The following NR3C2 variants were observed in gnomAD, a reference collection of about 807,000 sequenced individuals.
NR3C2 encodes mineralocorticoid receptor.
NR3C2 carries 15 observed loss-of-function variants against 86.4 expected under a neutral mutation model. The observed-to-expected ratio is 0.17, with a 90% CI of 0.12 to 0.27. The LOEUF (loss-of-function observed/expected upper bound fraction) is 0.27, where lower values mean the gene tolerates loss of function less well. Ranked by LOEUF, NR3C2 falls within the 10% of genes least tolerant of loss-of-function variation. NR3C2 has a pLI of 1.00. For synonymous variants in NR3C2, 458 were observed against 450.5 expected (o/e 1.02, Z -0.21); for missense variants, 960 against 1,195.6 (o/e 0.80, Z 2.91).
At chr4:148,163,521 G>A (rs1734753091) in intron 4 of NR3C2, among the ~76,000 whole-genome samples, 1 of 152,174 alleles carries the variant, frequency 6.6e-6, no homozygotes, top group Admixed American at 6.5e-5. Context: ...GCCTGCTTGA[G>A]AGAATGTCTA....
chr4:148,261,384 T>C (rs35181235), intron 2 of NR3C2, among the ~76,000 whole-genome samples: 2,544 of 94,498 alleles, frequency 0.027, 71 homozygotes, highest in African/African-American at 0.071. Flanking sequence ...CTATGGTCAG[T>C]GTATGGTGCG....
intron 2 of NR3C2, among the ~76,000 whole-genome samples, chr4:148,266,695 A>G (rs984215983): frequency 6.6e-6 from 1 of 152,172 alleles, no homozygotes; most frequent in African/African-American, 2.4e-5. Flanking sequence ...TCTTATTAAC[A>G]TTTTAAAATC....
chr4:148,310,399 G>A (rs1742847911), intron 2 of NR3C2, among the ~76,000 whole-genome samples: 1 of 152,138 alleles, frequency 6.6e-6, no homozygotes, highest in South Asian at 2.1e-4. Flanking sequence ...TGAACCTTTA[G>A]TACTGCCTAG....
chr4:148,136,551 C>G (rs563309242), intron 6 of NR3C2, among the ~76,000 whole-genome samples: 1 of 152,170 alleles, frequency 6.6e-6, no homozygotes, highest in Non-Finnish European at 1.5e-5. Flanking sequence ...CTTCACTATA[C>G]CCATCCAATT....
chr4:148,103,498 G>A (rs76998432), intron 8 of NR3C2, among the ~76,000 whole-genome samples: 41 of 152,322 alleles, frequency 2.7e-4, no homozygotes, highest in Admixed American at 3.9e-4. Flanking sequence ...GCACGTACCC[G>A]TAGAGGCTGT....
intron 2 of NR3C2, among the ~76,000 whole-genome samples, chr4:148,419,242 A>G (rs368915982): frequency 6.6e-6 from 1 of 152,184 alleles, no homozygotes; most frequent in African/African-American, 2.4e-5. Flanking sequence ...TTGGTAGTGG[A>G]TCACAATGGT....
intron 4 of NR3C2, among the ~76,000 whole-genome samples, chr4:148,185,618 A>G (rs1735855115): frequency 6.6e-6 from 1 of 152,174 alleles, no homozygotes; most frequent in Non-Finnish European, 1.5e-5. Context: ...TCCTTATCGC[A>G]TCTTCTAGCT....
At chr4:148,126,061 C>T (rs1003072537) in intron 6 of NR3C2, among the ~76,000 whole-genome samples, 9 of 152,204 alleles carry the variant, frequency 5.9e-5, no homozygotes, top group East Asian at 1.9e-4. Flanking sequence ...AAAATGTGCT[C>T]ATATGCATTT....
At chr4:148,268,764 G>C (rs1417165837) in intron 2 of NR3C2, among the ~76,000 whole-genome samples, 1 of 152,182 alleles carries the variant, frequency 6.6e-6, no homozygotes, top group Non-Finnish European at 1.5e-5. Context: ...TCTAATGTGA[G>C]ATTAAGTGTT....
intron 2 of NR3C2, among the ~76,000 whole-genome samples, chr4:148,273,671 C>T (rs1740808229): frequency 6.6e-6 from 1 of 152,134 alleles, no homozygotes; most frequent in African/African-American, 2.4e-5. Context: ...AGAGCCAACA[C>T]AGACACGAGA....
chr4:148,275,312 T>C (rs1263326941), intron 2 of NR3C2, among the ~76,000 whole-genome samples: 1 of 152,208 alleles, frequency 6.6e-6, no homozygotes, highest in Non-Finnish European at 1.5e-5. Context: ...GAAAATCTGT[T>C]GAGGTCTAAA....
intron 2 of NR3C2, among the ~76,000 whole-genome samples, chr4:148,321,936 T>C (rs1038408744): frequency 6.6e-6 from 1 of 152,216 alleles, no homozygotes; most frequent in Non-Finnish European, 1.5e-5. Flanking sequence ...GTTAGCTGGT[T>C]ATTTTGCTCA....
At chr4:148,377,077 A>C (rs61763772) in intron 2 of NR3C2, among the ~76,000 whole-genome samples, 1 of 152,230 alleles carries the variant, frequency 6.6e-6, no homozygotes, top group African/African-American at 2.4e-5. Context: ...TTTCTAATTT[A>C]ACTTTTAGTT....
chr4:148,396,256 T>A (rs942012845), intron 2 of NR3C2, among the ~76,000 whole-genome samples: 2 of 152,332 alleles, frequency 1.3e-5, no homozygotes, highest in Non-Finnish European at 2.9e-5. Context: ...AAGCAGCACA[T>A]AAATTTCATA....
intron 3 of NR3C2, among the ~76,000 whole-genome samples, chr4:148,247,608 A>G (rs549190257): frequency 1.1e-4 from 17 of 151,500 alleles, no homozygotes; most frequent in Admixed American, 3.3e-4. Context: ...AATAAAGTCA[A>G]TTGTGGAATC....
intron 5 of NR3C2, among the ~76,000 whole-genome samples, chr4:148,153,137 C>A (rs938563602): frequency 1.3e-5 from 2 of 152,062 alleles, no homozygotes; most frequent in African/African-American, 2.4e-5. Context: ...GTTTCCCTGG[C>A]ACCTGTCCTC....
At chr4:148,417,755 A>G (rs559002725) in intron 2 of NR3C2, among the ~76,000 whole-genome samples, 1 of 152,304 alleles carries the variant, frequency 6.6e-6, no homozygotes, top group South Asian at 2.1e-4. Context: ...AATAATATAA[A>G]ATGAGCAGAT....
At chr4:148,111,113 A>G (rs1387512140) in intron 8 of NR3C2, among the ~76,000 whole-genome samples, 1 of 152,250 alleles carries the variant, frequency 6.6e-6, no homozygotes, top group African/African-American at 2.4e-5. Context: ...AGAAAATATA[A>G]AGAACCCTCA....
chr4:148,365,897 T>C lies in NR3C2; in HGVS notation c.1757+69207A>G, dbSNP rs918469243. ...CAGGCACTGACCCCACTAAGACTCT[T>C]GTCAACTCTCCCAACAAAGCTCACC... On this transcript the variant is annotated intron_variant, in intron 2 of 8. Transcript: ENST00000358102. 8.5e-5 allele frequency among the ~76,000 whole-genome samples: 13 copies of C among 152,270 alleles called. No individual in the cohort carries two copies. In the East Asian group the frequency reaches 2.5e-3, roughly 29 times the overall value.
Sources: allele counts gnomAD v4.1 joint callset (sites outside exome capture counted in the v4.1 genomes callset), GRCh38; gene constraint gnomAD v4.1.1; transcripts MANE v1.5; gene names NCBI Gene and HGNC (gene_info 2026-07-23, HGNC 2026-07-21).